Variants in RPS9 observed in about 807,000 individuals in gnomAD.
The protein encoded by RPS9 is ribosomal protein S9.
In RPS9, 1 loss-of-function variant was observed where a neutral mutation model predicts 16.9. That is an observed-to-expected ratio of 0.06 (90% CI 0.02 to 0.28). The LOEUF (loss-of-function observed/expected upper bound fraction) is 0.28. Among genes scored for constraint, RPS9 ranks in the 10% least tolerant of loss-of-function variants. The probability of loss-of-function intolerance (pLI) is 1.00; values close to 1 mark genes in which losing one functional copy is unlikely to be tolerated. For missense variants in RPS9, 137 were observed against 273.2 expected (o/e 0.50, Z 3.51); for synonymous variants, 106 against 110.9 (o/e 0.96, Z 0.28).
rs1198531702 is a variant in RPS9 at position 54,200,894 on chromosome 19, G to T, written c.-26+6G>T. The T allele has an allele frequency of 2.3e-6, 3 of 1,288,354 alleles. No homozygotes were observed. The highest frequency in any genetic ancestry group is 4.1e-5 in the East Asian group (1 of 24,132). 79.8% of individuals were successfully genotyped at this position (1,288,354 alleles called of 1,614,324 possible). A position where few individuals can be genotyped will look rare whatever the true frequency, so the allele number is the denominator to read the frequency against. On this transcript the variant is annotated splice_donor_region_variant and intron_variant, in intron 1 of 4. Coordinates refer to ENST00000302907, the MANE Select transcript of RPS9 (RefSeq NM_001013.4). ...TGACCGGGTGGTTTGCTTAGGTGAGGTGCGGTGGTGTGCTTTTTCTCTAGG... is the reference window on the plus strand; with the variant it reads ...TGACCGGGTGGTTTGCTTAGGTGAGTTGCGGTGGTGTGCTTTTTCTCTAGG...
intron 3 of RPS9, among the ~76,000 whole-genome samples, chr19:54,205,572 G>C (rs2077213222): frequency 1.3e-5 from 2 of 152,086 alleles, no homozygotes; most frequent in South Asian, 4.1e-4. Context: ...AATCAGAAGA[G>C]CTGTCTGGGC....
At chr19:54,202,274 C>T in intron 3 of RPS9, 1 of 241,060 alleles carries the variant, frequency 4.1e-6, no homozygotes, top group Non-Finnish European at 6.7e-6. Flanking sequence ...CAAACTCCGC[C>T]TCCAGAGTTC....
At chr19:54,202,217 C>T (rs1352532512) in intron 3 of RPS9, among the ~76,000 whole-genome samples, 1 of 151,992 alleles carries the variant, frequency 6.6e-6, no homozygotes, top group Non-Finnish European at 1.5e-5. Flanking sequence ...CGGAGTCTCG[C>T]TCCATTGCCC....
At chr19:54,201,305 A>T (rs183976930) in intron 2 of RPS9, 24 bp downstream of exon 2, 1 of 1,613,800 alleles carries the variant, frequency 6.2e-7, no homozygotes, top group East Asian at 2.2e-5. Flanking sequence ...GCTTCCGGGA[A>T]GTGGTTCGGC....
intron 3 of RPS9, among the ~76,000 whole-genome samples, chr19:54,203,770 C>A (rs906020577): frequency 1.8e-5 from 2 of 112,292 alleles, no homozygotes; most frequent in African/African-American, 6.0e-5. Flanking sequence ...ACAACACGAA[C>A]TCCCCCCCCA....
chr19:54,201,310 T>C, intron 2 of RPS9, 29 bp downstream of exon 2: 1 of 1,613,790 alleles, frequency 6.2e-7, no homozygotes, highest in Non-Finnish European at 8.5e-7. Context: ...CGGGAAGTGG[T>C]TCGGCTTCCG....
At chr19:54,203,572 A>G (rs2077134536) in intron 3 of RPS9, among the ~76,000 whole-genome samples, 1 of 152,036 alleles carries the variant, frequency 6.6e-6, no homozygotes, top group South Asian at 2.1e-4. Flanking sequence ...CTCAAGTCAG[A>G]GACCAGCCTG....
chr19:54,205,550 T>C (rs1362865597), intron 3 of RPS9, among the ~76,000 whole-genome samples: 1 of 152,130 alleles, frequency 6.6e-6, no homozygotes, highest in Non-Finnish European at 1.5e-5. Context: ...TGATTCAATC[T>C]CACATCTGCT....
chr19:54,202,668 A>C (rs2077099907), intron 3 of RPS9: 2 of 985,444 alleles, frequency 2.0e-6, no homozygotes, highest in African/African-American at 3.5e-5. Flanking sequence ...GGCATGACCA[A>C]GATTGGCATT....
intron 3 of RPS9, chr19:54,201,996 T>C (rs906888981): frequency 5.1e-6 from 1 of 196,804 alleles, no homozygotes; most frequent in African/African-American, 2.3e-5. Context: ...TTTGCTTGGT[T>C]TATTGTTTTT....
In RPS9 at chr19:54,200,898, G is replaced by A. The variant is rs1014706127; in HGVS notation, c.-26+10G>A. The A allele has an allele frequency of 4.6e-6, 6 of 1,295,792 alleles. No homozygotes were observed. The Admixed American group carries it at 1.1e-4, about 25-fold the overall frequency. The allele number at this position is 1,295,792 out of a possible 1,614,324, so 80.3% of individuals were successfully genotyped here. ...CGGGTGGTTTGCTTAGGTGAGGTGC[G>A]GTGGTGTGCTTTTTCTCTAGGGTTT... On this transcript the variant is annotated intron_variant, in intron 1 of 4. Coordinates refer to ENST00000302907, the MANE Select transcript of RPS9 (RefSeq NM_001013.4).
At position 54,201,471 on chromosome 19, in the gene RPS9, C is replaced by T. The variant is rs369076082; in HGVS notation, c.98-16C>T. Reference sequence around the variant, plus strand: ...GTACGTGGGACTACACTTGTCCACCCCCTTCTCCCCACCAGGCGAGTATGG... The same window carrying T: ...GTACGTGGGACTACACTTGTCCACCTCCTTCTCCCCACCAGGCGAGTATGG... On this transcript the variant is annotated splice_polypyrimidine_tract_variant and intron_variant, in intron 2 of 4. Transcript: ENST00000302907. 2 of 1,613,874 alleles carry T rather than the reference C, an allele frequency of 1.2e-6. No homozygotes were observed. The highest frequency in any genetic ancestry group is 2.2e-5 in the East Asian group (1 of 44,888).
chr19:54,202,572 T>C (rs2077096224), intron 3 of RPS9: 1 of 983,886 alleles, frequency 1.0e-6, no homozygotes, highest in Non-Finnish European at 1.2e-6. Flanking sequence ...AAATACACAT[T>C]AAATTGAAAA....
rs12459060 is a variant in RPS9 at position 54,202,171 on chromosome 19, G to T, written c.220+562G>T. Among the ~76,000 whole-genome samples, 443 of 152,020 alleles carry T rather than the reference G, an allele frequency of 2.9e-3. 15 individuals are homozygous for T. Among genetic ancestry groups the T allele is most frequent in the Admixed American group, 0.027 (411 of 15,272 alleles). On this transcript the variant is annotated intron_variant, in intron 3 of 4. Coordinates refer to ENST00000302907, the MANE Select transcript of RPS9 (RefSeq NM_001013.4). ...CAAGTAGCTGGGACTACAGACAGGC[G>T]CACGCCACCACACCTGGCTAATTTT...
intron 3 of RPS9, chr19:54,202,482 C>T (rs775408847): frequency 1.0e-6 from 1 of 984,976 alleles, no homozygotes; most frequent in Non-Finnish European, 1.2e-6. Flanking sequence ...TAAAATGTCT[C>T]AGGGAACAGC....
At chr19:54,202,530 A>G (rs1206683018) in intron 3 of RPS9, 2 of 979,562 alleles carry the variant, frequency 2.0e-6, no homozygotes, top group Non-Finnish European at 1.2e-6. Flanking sequence ...TGCAGATCAC[A>G]TAGACTTAGG....
chr19:54,206,581 C>A (rs914154683), intron 4 of RPS9, 119 bp downstream of exon 4: 1 of 1,554,758 alleles, frequency 6.4e-7, no homozygotes, highest in Non-Finnish European at 8.7e-7. Context: ...GTGAACTCAC[C>A]CAGAGGGTAC....
At chr19:54,207,265 A>G in intron 4 of RPS9, 133 bp from the exon 5 acceptor site, 1 of 706,244 alleles carries the variant, frequency 1.4e-6, no homozygotes, top group Non-Finnish European at 2.4e-6. Context: ...GATCAGGTGC[A>G]CCCTTCCTGC....
intron 3 of RPS9, chr19:54,203,445 G>A (rs1197892445): frequency 1.1e-5 from 4 of 349,938 alleles, no homozygotes; most frequent in South Asian, 1.1e-4. Context: ...CTGAACAGCC[G>A]CCAACATTTG....
Sources: gnomAD v4.1 joint callset for allele counts (sites outside exome capture counted in the v4.1 genomes callset) on GRCh38, gnomAD v4.1.1 for gene constraint, MANE v1.5 for transcripts, NCBI Gene and HGNC (gene_info 2026-07-23, HGNC 2026-07-21) for gene names.